The following SEMA3A variants were observed in gnomAD, a reference collection of about 807,000 sequenced individuals.
SEMA3A encodes semaphorin-3A.
Under a neutral mutation model 97.9 loss-of-function variants are expected in SEMA3A, and 29 were observed. The ratio of observed to expected loss-of-function variants is 0.30; its 90% CI spans 0.22 to 0.40. The LOEUF is 0.40. Ranked by LOEUF, SEMA3A falls within the 10% of genes least tolerant of loss-of-function variation. SEMA3A has a pLI of 1.00. For synonymous variants in SEMA3A, 321 were observed against 323.7 expected (o/e 0.99, Z 0.09); for missense variants, 763 against 951.3 (o/e 0.80, Z 2.60).
chr7:84,146,777 T>C (rs1258648782), intron 1 of SEMA3A, among the ~76,000 whole-genome samples: 2 of 152,166 alleles, frequency 1.3e-5, no homozygotes, highest in Non-Finnish European at 2.9e-5. Context: ...ATGCTTTGAG[T>C]GATGGGCTAG....
In SEMA3A at chr7:84,143,966, C is replaced by T. The variant is rs1009105335; in HGVS notation, c.113-9015G>A. 2.0e-5 allele frequency among the ~76,000 whole-genome samples: 3 copies of T among 148,078 alleles called. No individual in the cohort carries two copies. In the South Asian group the frequency reaches 6.5e-4, roughly 32 times the overall value. On this transcript the variant is annotated intron_variant, in intron 1 of 16. Coordinates refer to ENST00000265362, the MANE Select transcript of SEMA3A (RefSeq NM_006080.3). ...TCTCTCTCTAACACACACACACACA[C>T]ACACACACACACACACACACACACA...
At chr7:84,398,549 G>A (rs1256298254) in intron 1 of SEMA3A, among the ~76,000 whole-genome samples, 1 of 152,108 alleles carries the variant, frequency 6.6e-6, no homozygotes, top group African/African-American at 2.4e-5. Context: ...CTTGAGACCA[G>A]GAATTTGACA....
intron 2 of SEMA3A, among the ~76,000 whole-genome samples, chr7:84,331,602 T>C (rs1195309452): frequency 1.3e-5 from 2 of 152,064 alleles, no homozygotes; most frequent in African/African-American, 4.8e-5. Context: ...TGTCATTGTG[T>C]ATATACAGGA....
intron 3 of SEMA3A, among the ~76,000 whole-genome samples, chr7:84,268,379 T>A (rs1800064299): frequency 6.6e-6 from 1 of 151,698 alleles, no homozygotes; most frequent in Admixed American, 6.6e-5. Context: ...TGTGACACTT[T>A]CCTTCTCACC....
At position 83,960,167 on chromosome 7, in the gene SEMA3A, CAG is replaced by C. The variant is rs1443086380; in HGVS notation, c.*1202_*1203del. On this transcript the variant is annotated 3_prime_UTR_variant, in exon 17 of 17. Transcript: ENST00000265362. The stretch of plus-strand genomic sequence containing the variant: ...TCTCTTTTAAAAAAATTAAGTGACA[CAG>C]ATATAATTCTTGGTAGAATCATAAG... 1 of 152,036 alleles carries C rather than the reference CAG, an allele frequency of 6.6e-6. No individual in the cohort carries two copies. Among genetic ancestry groups the C allele is most frequent in the African/African-American group, 2.4e-5 (1 of 41,410 alleles). The allele number at this position is 152,036 out of a possible 1,614,324, so 9.4% of individuals were successfully genotyped here. A position where few individuals can be genotyped will look rare whatever the true frequency, so the allele number is the denominator to read the frequency against.
chr7:84,146,504 A>C (rs1796467484), intron 1 of SEMA3A, among the ~76,000 whole-genome samples: 1 of 152,174 alleles, frequency 6.6e-6, no homozygotes, highest in South Asian at 2.1e-4. Context: ...AGCCTTTTGC[A>C]CAAGAATATA....
chr7:84,036,822 C>T (rs1439637607), intron 6 of SEMA3A, among the ~76,000 whole-genome samples: 3 of 151,852 alleles, frequency 2.0e-5, no homozygotes, highest in South Asian at 2.1e-4. Context: ...TCTGAGTATT[C>T]TTAGGAATTA....
At chr7:83,980,667 CACATAT>C (rs1446177385) in intron 14 of SEMA3A, among the ~76,000 whole-genome samples, 2 of 135,808 alleles carry the variant, frequency 1.5e-5, no homozygotes, top group African/African-American at 5.5e-5. Context: ...TACATATATA[CACATAT>C]ACATATAGAT....
At chr7:84,483,421 G>C (rs1346958371) in intron 1 of SEMA3A, among the ~76,000 whole-genome samples, 1 of 152,088 alleles carries the variant, frequency 6.6e-6, no homozygotes, top group Non-Finnish European at 1.5e-5. Flanking sequence ...ATTTTCACTG[G>C]GCAGGCCCCT....
intron 1 of SEMA3A, among the ~76,000 whole-genome samples, chr7:84,385,442 A>G (rs1296423259): frequency 6.6e-6 from 1 of 152,148 alleles, no homozygotes; most frequent in East Asian, 1.9e-4. Context: ...AAACTTTTAA[A>G]TCTGTAACAA....
At chr7:84,436,754 T>C (rs1278025285) in intron 1 of SEMA3A, among the ~76,000 whole-genome samples, 2 of 152,148 alleles carry the variant, frequency 1.3e-5, no homozygotes, top group East Asian at 3.8e-4. Flanking sequence ...AGTCTGAACA[T>C]AGATTGCTTG....
intron 4 of SEMA3A, among the ~76,000 whole-genome samples, chr7:84,063,348 A>G (rs1159166033): frequency 6.6e-6 from 1 of 150,652 alleles, no homozygotes. Context: ...TGGAAACTCT[A>G]AAAAGCAGAG....
intron 6 of SEMA3A, among the ~76,000 whole-genome samples, chr7:84,018,832 C>T (rs927350955): frequency 4.6e-5 from 7 of 152,162 alleles, no homozygotes; most frequent in Non-Finnish European, 1.0e-4. Context: ...GACAAAGCCA[C>T]TGAAGTGTTC....
chr7:84,488,317 TACACACACACAC>T (rs67659986), intron 1 of SEMA3A, among the ~76,000 whole-genome samples: 3 of 145,670 alleles, frequency 2.1e-5, no homozygotes, highest in African/African-American at 7.7e-5. Context: ...TCTTCGTATA[TACACACACACAC>T]ACACACACAC....
rs147436181 is a variant in SEMA3A at position 84,005,396 on chromosome 7, C to T, written c.1303G>A (p.Val435Ile). The part of the protein sequence containing the change: ...TDVNYQFTQI[V>I]VDRVDAEDGQ... ...TCTTCTGCATCCACTCGGTCTACGA[C>T]AATTTGTGTAAATTGATAATTTACA... is the stretch of plus-strand genomic sequence containing the variant. The change falls in exon 11 of 17, where the codon GTC becomes ATC. Residue 435 changes from valine (V) to isoleucine (I), a missense_variant. This residue lies in a region of SEMA3A where 678 missense variants were observed against 881.3 expected (regional missense o/e 0.77). Transcript: ENST00000265362. 27,068 of 1,613,444 alleles carry T rather than the reference C, an allele frequency of 0.017. 284 individuals carry two copies. The highest frequency in any genetic ancestry group is 0.02 in the Non-Finnish European group (23,361 of 1,179,494).
At chr7:84,374,673 A>G (rs1803055026) in intron 1 of SEMA3A, among the ~76,000 whole-genome samples, 1 of 152,258 alleles carries the variant, frequency 6.6e-6, no homozygotes, top group Non-Finnish European at 1.5e-5. Context: ...TTCTAAAAGT[A>G]TTCTTTTAAG....
intron 1 of SEMA3A, among the ~76,000 whole-genome samples, chr7:84,466,583 T>C (rs1806005068): frequency 6.6e-6 from 1 of 152,228 alleles, no homozygotes; most frequent in Non-Finnish European, 1.5e-5. Context: ...AAGAGATAGT[T>C]CTATGATCAC....
intron 2 of SEMA3A, among the ~76,000 whole-genome samples, chr7:84,342,829 G>A (rs1388924750): frequency 1.3e-5 from 2 of 152,166 alleles, no homozygotes; most frequent in African/African-American, 4.8e-5. Context: ...TTTGTGCCAG[G>A]CCTTGAATGG....
intron 1 of SEMA3A, among the ~76,000 whole-genome samples, chr7:84,470,605 A>C (rs1300889978): frequency 6.6e-6 from 1 of 152,098 alleles, no homozygotes; most frequent in Non-Finnish European, 1.5e-5. Flanking sequence ...AGTTGATGCT[A>C]AAAAAGTAAG....
Sources: gnomAD v4.1 joint callset for allele counts (sites outside exome capture counted in the v4.1 genomes callset) on GRCh38, gnomAD v4.1.1 for gene constraint, gnomAD v4.1.1 regional missense constraint, MANE v1.5 for transcripts, NCBI Gene and HGNC (gene_info 2026-07-23, HGNC 2026-07-21) for gene names.